The following CSMD1 variants were observed in gnomAD, a reference collection of about 807,000 sequenced individuals.
CSMD1 encodes CUB and Sushi multiple domains 1.
In CSMD1, 213 loss-of-function variants were observed where a neutral mutation model predicts 417.5. The ratio of observed to expected loss-of-function variants is 0.51; its 90% confidence interval spans 0.46 to 0.57. The LOEUF (loss-of-function observed/expected upper bound fraction) is 0.57, where lower values mean the gene tolerates loss of function less well. Ranked by LOEUF, CSMD1 falls within the 20% of genes least tolerant of loss-of-function variation. The pLI is 0.00. For synonymous variants in CSMD1, 2,862 were observed against 1,736.8 expected, an observed-to-expected ratio of 1.65 and a Z score of -16.11; for missense variants, 6,923 against 4,529.7, an observed-to-expected ratio of 1.53 and a Z score of -15.17.
intron 33 of CSMD1, among the ~76,000 whole-genome samples, chr8:3,197,173 C>T (rs1796747248): frequency 6.6e-6 from 1 of 152,150 alleles, no homozygotes; most frequent in Non-Finnish European, 1.5e-5. Context: ...ACATTACTAA[C>T]CAGGATGACA....
intron 2 of CSMD1, among the ~76,000 whole-genome samples, chr8:4,545,922 A>AC (rs1313602347): frequency 2.0e-5 from 3 of 151,378 alleles, no homozygotes; most frequent in Non-Finnish European, 4.4e-5. Context: ...ATCTAATCAC[A>AC]TTCTTGCCTA....
intron 41 of CSMD1, among the ~76,000 whole-genome samples, chr8:3,138,939 C>A (rs1287896012): frequency 6.6e-6 from 1 of 152,134 alleles, no homozygotes; most frequent in African/African-American, 2.4e-5. Flanking sequence ...AAGAGTAAAT[C>A]TGGAAAGACA....
At chr8:3,874,495 C>A (rs928480463) in intron 5 of CSMD1, among the ~76,000 whole-genome samples, 1 of 152,162 alleles carries the variant, frequency 6.6e-6, no homozygotes, top group Non-Finnish European at 1.5e-5. Context: ...TCTTTTATGA[C>A]GTTGCATTGA....
At chr8:4,082,557 C>T (rs1259312209) in intron 3 of CSMD1, among the ~76,000 whole-genome samples, 1 of 152,094 alleles carries the variant, frequency 6.6e-6, no homozygotes, top group Non-Finnish European at 1.5e-5. Flanking sequence ...AACAAAATTA[C>T]AGACCCCGCT....
intron 17 of CSMD1, among the ~76,000 whole-genome samples, chr8:3,392,306 T>C (rs1408599813): frequency 6.6e-6 from 1 of 150,674 alleles, no homozygotes; most frequent in South Asian, 2.1e-4. Flanking sequence ...TGAAAAAAAA[T>C]AATAATTCTT....
intron 3 of CSMD1, among the ~76,000 whole-genome samples, chr8:4,100,351 T>C (rs549763312): frequency 6.6e-6 from 1 of 152,320 alleles, no homozygotes; most frequent in African/African-American, 2.4e-5. Flanking sequence ...TTCTAGATTC[T>C]GGCAGCATTC....
intron 5 of CSMD1, among the ~76,000 whole-genome samples, chr8:3,869,899 C>G (rs879799372): frequency 6.6e-6 from 1 of 151,714 alleles, no homozygotes; most frequent in Non-Finnish European, 1.5e-5. Context: ...GCTTGAAGGG[C>G]TTAAAGGAAA....
At chr8:3,756,822 G>A (rs1285759091) in intron 5 of CSMD1, among the ~76,000 whole-genome samples, 3 of 151,584 alleles carry the variant, frequency 2.0e-5, no homozygotes, top group East Asian at 1.9e-4. Flanking sequence ...TTGAGACAGT[G>A]TCTTGCTCTT....
intron 25 of CSMD1, among the ~76,000 whole-genome samples, chr8:3,291,064 C>T (rs1258059201): frequency 2.0e-5 from 3 of 152,108 alleles, no homozygotes; most frequent in African/African-American, 2.4e-5. Context: ...AAGGCCTTTT[C>T]TGCATCTTTT....
At position 4,212,541 on chromosome 8, in the gene CSMD1, G is replaced by C. The variant is rs1241967189; in HGVS notation, c.416-180442C>G. Among the ~76,000 whole-genome samples, 3 of 151,818 alleles carry C rather than the reference G, an allele frequency of 2.0e-5. No individual in the cohort carries two copies. In the East Asian group the frequency reaches 5.8e-4, roughly 29 times the overall value. The stretch of plus-strand genomic sequence containing the variant: ...ACATTATAAAATTTTGAAATTTGTA[G>C]CCTTTTTTTTTCTAAAATAAAGAAT... On this transcript the variant is annotated intron_variant, in intron 3 of 69. Transcript: ENST00000635120.
intron 3 of CSMD1, among the ~76,000 whole-genome samples, chr8:4,409,472 C>G (rs955871988): frequency 1.3e-5 from 2 of 152,124 alleles, no homozygotes; most frequent in African/African-American, 4.8e-5. Flanking sequence ...GAATGCCTAT[C>G]TACCTAAGTT....
At chr8:3,357,773 T>A (rs1305647357) in intron 21 of CSMD1, among the ~76,000 whole-genome samples, 1 of 152,140 alleles carries the variant, frequency 6.6e-6, no homozygotes, top group Non-Finnish European at 1.5e-5. Flanking sequence ...ACCGTATTTT[T>A]TTTCTTGAGA....
intron 3 of CSMD1, among the ~76,000 whole-genome samples, chr8:4,148,138 G>C (rs1430212490): frequency 6.6e-6 from 1 of 152,130 alleles, no homozygotes; most frequent in Non-Finnish European, 1.5e-5. Flanking sequence ...TCTGGGTGAA[G>C]CTCAACTTAG....
At chr8:4,110,807 T>C (rs1801812010) in intron 3 of CSMD1, among the ~76,000 whole-genome samples, 1 of 152,178 alleles carries the variant, frequency 6.6e-6, no homozygotes, top group African/African-American at 2.4e-5. Flanking sequence ...TGTATGTTTT[T>C]AAATGTTCTG....
rs538086527 is a variant in CSMD1, at chr8:3,282,748, T to C, written c.4153+1396A>G. Among the ~76,000 whole-genome samples, 132 of 152,250 alleles carry C rather than the reference T, an allele frequency of 8.7e-4. 2 individuals carry two copies. In the South Asian group the frequency reaches 0.026, roughly 30 times the overall value. ...CAGAGGTAAGAAATTGTGCAGACTA[T>C]AACCAGAGGTAAGAAATTGTGCAGA... On this transcript the variant is annotated intron_variant, in intron 26 of 69. Coordinates refer to ENST00000635120, the MANE Select transcript of CSMD1 (RefSeq NM_033225.6).
chr8:3,142,048 C>T (rs918245624), intron 41 of CSMD1, among the ~76,000 whole-genome samples: 3 of 152,142 alleles, frequency 2.0e-5, no homozygotes, highest in Non-Finnish European at 2.9e-5. Context: ...CCGCCCGCCT[C>T]GGCCTTCCAA....
chr8:4,255,382 A>C (rs1394226759), intron 3 of CSMD1, among the ~76,000 whole-genome samples: 1 of 152,208 alleles, frequency 6.6e-6, no homozygotes, highest in Non-Finnish European at 1.5e-5. Flanking sequence ...GTGACTGAGC[A>C]AAAAAATTAA....
In CSMD1 at chr8:2,998,154, G is replaced by A. The variant is rs2128953548; in HGVS notation, c.8234C>T (p.Ala2745Val). 1 of 1,614,010 alleles carries A rather than the reference G, an allele frequency of 6.2e-7. No homozygotes were observed. The highest frequency in any genetic ancestry group is 8.5e-7 in the Non-Finnish European group (1 of 1,179,872). The change falls in exon 54 of 70, where the codon GCC (alanine) becomes GTC (valine). Residue 2745 changes from alanine to valine, a missense_variant. Coordinates refer to ENST00000635120, the MANE Select transcript of CSMD1 (RefSeq NM_033225.6). ...CTCACTGCCATTAGTGAATCCGTGG[G>A]CAGGGTTTCCAGGGTGACCACATGT... ...PITCGHPGNPAHGFTNGSEFN... is the reference protein window; with the variant it reads ...PITCGHPGNPVHGFTNGSEFN...
rs1196634151 is a variant in CSMD1 at position 4,183,330 on chromosome 8, C to A, written c.416-151231G>T. 2.6e-5 allele frequency among the ~76,000 whole-genome samples: 4 copies of A among 152,104 alleles called. No homozygotes were observed. In the East Asian group the frequency reaches 5.8e-4, roughly 22 times the overall value. On this transcript the variant is annotated intron_variant, in intron 3 of 69. Coordinates refer to ENST00000635120, the MANE Select transcript of CSMD1 (RefSeq NM_033225.6). Reference sequence around the variant, plus strand: ...TTAAATATATTTAAAATAATTTATTCATGTCTGATGATTACCACTGAAGTA... The same window carrying A: ...TTAAATATATTTAAAATAATTTATTAATGTCTGATGATTACCACTGAAGTA...
Sources: gnomAD v4.1 joint callset for allele counts (sites outside exome capture counted in the v4.1 genomes callset) on GRCh38, gnomAD v4.1.1 for gene constraint, MANE v1.5 for transcripts, NCBI Gene and HGNC (gene_info 2026-07-23, HGNC 2026-07-21) for gene names.